The following FAM13A variants were observed in gnomAD, a reference collection of about 807,000 sequenced individuals.
FAM13A encodes the protein protein FAM13A.
FAM13A carries 76 observed loss-of-function variants against 129.6 expected under a neutral mutation model. The observed-to-expected ratio is 0.59, with a 90% confidence interval of 0.49 to 0.71. The LOEUF (loss-of-function observed/expected upper bound fraction) is 0.71, where lower values mean the gene tolerates loss of function less well. Among genes scored for constraint, FAM13A ranks in the 30% least tolerant of loss-of-function variants. The probability of loss-of-function intolerance (pLI) is 0.00; values close to 1 mark genes in which losing one functional copy is unlikely to be tolerated. For missense variants in FAM13A, 1,108 were observed against 1,249.3 expected, an observed-to-expected ratio of 0.89 and a Z score of 1.70; for synonymous variants, 443 against 449.9, an observed-to-expected ratio of 0.98 and a Z score of 0.20.
intron 5 of FAM13A, among the ~76,000 whole-genome samples, chr4:88,929,572 T>G (rs1752729745): frequency 6.6e-6 from 1 of 152,156 alleles, no homozygotes; most frequent in Non-Finnish European, 1.5e-5. Flanking sequence ...TTGAAGGCTT[T>G]GTTCATCTTT....
At chr4:89,002,105 TTATC>T (rs1764327467) in intron 3 of FAM13A, among the ~76,000 whole-genome samples, 1 of 151,170 alleles carries the variant, frequency 6.6e-6, no homozygotes, top group African/African-American at 2.4e-5. Context: ...TTATATGTGT[TTATC>T]TAGTCTTCCC....
At chr4:88,880,818 C>T (rs1369786738) in intron 6 of FAM13A, among the ~76,000 whole-genome samples, 2 of 129,370 alleles carry the variant, frequency 1.5e-5, no homozygotes, top group African/African-American at 3.0e-5. Context: ...GTGAGACTGG[C>T]CTTTTGGGCT....
intron 4 of FAM13A, among the ~76,000 whole-genome samples, chr4:88,963,461 C>G (rs1009689352): frequency 2.0e-5 from 3 of 152,080 alleles, no homozygotes; most frequent in Non-Finnish European, 4.4e-5. Context: ...CCATGCCCAG[C>G]GAATTTTTGT....
chr4:88,868,414 T>C (rs935299091), intron 6 of FAM13A, among the ~76,000 whole-genome samples: 17 of 152,300 alleles, frequency 1.1e-4, no homozygotes, highest in African/African-American at 3.8e-4. Context: ...CTTTTATCTG[T>C]TTACTTTCCT....
intron 1 of FAM13A, among the ~76,000 whole-genome samples, chr4:89,050,252 C>A (rs927563007): frequency 1.3e-5 from 2 of 151,960 alleles, no homozygotes; most frequent in African/African-American, 4.8e-5. Flanking sequence ...AGCTCTGTCA[C>A]CCATGCTGGA....
chr4:89,051,747 A>G (rs535285421), intron 1 of FAM13A, among the ~76,000 whole-genome samples: 1 of 152,306 alleles, frequency 6.6e-6, no homozygotes, highest in South Asian at 2.1e-4. Context: ...AAACACTCCC[A>G]TTCAAGAAAG....
At chr4:89,010,460 A>G (rs72665870) in intron 3 of FAM13A, among the ~76,000 whole-genome samples, 2,435 of 151,744 alleles carry the variant, frequency 0.016, 41 homozygotes, top group Middle Eastern at 0.027. Context: ...GAAAGTTCCT[A>G]GAAAGTTGAA....
intron 2 of FAM13A, among the ~76,000 whole-genome samples, chr4:89,028,615 C>T (rs1018028164): frequency 6.6e-6 from 1 of 152,026 alleles, no homozygotes; most frequent in African/African-American, 2.4e-5. Context: ...CACTTGAGCC[C>T]TGAAGTATGA....
chr4:88,802,264 C>T (rs1727616288), intron 8 of FAM13A, among the ~76,000 whole-genome samples: 2 of 151,520 alleles, frequency 1.3e-5, no homozygotes, highest in Non-Finnish European at 2.9e-5. Context: ...TTCAACTGGG[C>T]TGGTAATCCC....
At chr4:88,860,240 T>C (rs553599714) in intron 6 of FAM13A, among the ~76,000 whole-genome samples, 17 of 152,334 alleles carry the variant, frequency 1.1e-4, no homozygotes, top group South Asian at 4.1e-4. Context: ...TCTTAAAATA[T>C]TATCTCACTC....
intron 1 of FAM13A, among the ~76,000 whole-genome samples, 153 bp downstream of exon 1, chr4:89,056,785 A>AT (rs1257819502): frequency 2.6e-5 from 4 of 152,192 alleles, no homozygotes; most frequent in African/African-American, 9.7e-5. Flanking sequence ...CCTAATACCC[A>AT]TTTAAGTAGA....
At chr4:88,952,058 A>C (rs1026526988) in intron 4 of FAM13A, among the ~76,000 whole-genome samples, 3 of 152,250 alleles carry the variant, frequency 2.0e-5, no homozygotes. Flanking sequence ...TGTAAAACAT[A>C]GTGTAAAGAA....
At chr4:88,779,016 C>A (rs1262288503) in intron 11 of FAM13A, among the ~76,000 whole-genome samples, 1 of 152,168 alleles carries the variant, frequency 6.6e-6, no homozygotes, top group Non-Finnish European at 1.5e-5. Flanking sequence ...CCCTTGCCCC[C>A]TCACAGGTTC....
chr4:88,860,294 T>C (rs569380194), intron 6 of FAM13A, among the ~76,000 whole-genome samples: 3 of 152,290 alleles, frequency 2.0e-5, no homozygotes, highest in African/African-American at 7.2e-5. Flanking sequence ...AGCCCAGATT[T>C]CTCCCAGGAA....
At chr4:88,989,659 GA>G (rs1200658046) in intron 4 of FAM13A, 2 of 152,098 alleles carry the variant, frequency 1.3e-5, no homozygotes, top group African/African-American at 4.8e-5. Flanking sequence ...TACAACAATA[GA>G]AAAACTGTAA....
At chr4:88,866,797 A>G (rs1740538871) in intron 6 of FAM13A, among the ~76,000 whole-genome samples, 1 of 152,206 alleles carries the variant, frequency 6.6e-6, no homozygotes, top group South Asian at 2.1e-4. Flanking sequence ...AATGTTTTAG[A>G]GAGAAATATG....
intron 19 of FAM13A, among the ~76,000 whole-genome samples, chr4:88,740,707 C>G (rs753331994): frequency 6.6e-6 from 1 of 152,164 alleles, no homozygotes; most frequent in Non-Finnish European, 1.5e-5. Context: ...ATGGATGATC[C>G]TTTGTTGCCT....
chr4:89,033,566 A>T (rs1242449183), intron 1 of FAM13A, among the ~76,000 whole-genome samples: 1 of 152,236 alleles, frequency 6.6e-6, no homozygotes. Flanking sequence ...AATGAGAAAC[A>T]AATTCCATAT....
intron 19 of FAM13A, among the ~76,000 whole-genome samples, chr4:88,744,764 A>G (rs1181107938): frequency 1.3e-5 from 2 of 152,150 alleles, no homozygotes; most frequent in African/African-American, 2.4e-5. Context: ...CCAGATATCA[A>G]ATGAACTCTG....
Sources: gnomAD v4.1 joint callset for allele counts (sites outside exome capture counted in the v4.1 genomes callset) on GRCh38, gnomAD v4.1.1 for gene constraint, MANE v1.5 for transcripts, NCBI Gene and HGNC (gene_info 2026-07-23, HGNC 2026-07-21) for gene names.